FNBP4: variants seen among roughly 807,000 people sequenced by gnomAD.
The protein encoded by FNBP4 is formin binding protein 4, also known as formin-binding protein 4.
A neutral mutation model predicts 119.3 loss-of-function variants in FNBP4; 34 were observed. The ratio of observed to expected loss-of-function variants is 0.28; its 90% CI spans 0.22 to 0.38. The LOEUF (loss-of-function observed/expected upper bound fraction) is 0.38, where lower values mean the gene tolerates loss of function less well. FNBP4 is among the 10% of genes least tolerant of loss of function. FNBP4 has a pLI of 1.00. For synonymous variants in FNBP4, 462 were observed against 430.6 expected (o/e 1.07, Z -0.90); for missense variants, 1,112 against 1,228.9 (o/e 0.90, Z 1.42).
At chr11:47,763,733 G>A (rs11039373) in intron 2 of FNBP4, among the ~76,000 whole-genome samples, 5 of 151,790 alleles carry the variant, frequency 3.3e-5, no homozygotes, top group African/African-American at 1.2e-4. Context: ...ATCTCCTGAC[G>A]TCATTATCCA....
chr11:47,740,554 G>T lies in FNBP4; in HGVS notation c.1456+3399C>A, dbSNP rs1037391131. Among the ~76,000 whole-genome samples the T allele has an allele frequency of 1.8e-4, 27 of 151,408 alleles. 1 individual carries two copies. The highest frequency in any genetic ancestry group is 3.5e-4 in the Non-Finnish European group (24 of 67,926). On this transcript the variant is annotated intron_variant, in intron 8 of 16. Coordinates refer to ENST00000263773, the MANE Select transcript of FNBP4 (RefSeq NM_015308.5). ...TGGTGCCAGTCATTATGTTCCTTTA[G>T]CTTCCTCATGGACAGATCTTTAAGC...
intron 16 of FNBP4, among the ~76,000 whole-genome samples, chr11:47,717,845 T>C (rs2097551385): frequency 6.6e-6 from 1 of 151,926 alleles, no homozygotes; most frequent in Non-Finnish European, 1.5e-5. Context: ...GCCTCCCAGG[T>C]TCAAGCGATT....
intron 12 of FNBP4, among the ~76,000 whole-genome samples, chr11:47,727,251 C>CTTTTTT (rs56258205): frequency 2.2e-5 from 3 of 137,942 alleles, no homozygotes; most frequent in Non-Finnish European, 4.7e-5. Context: ...TACTTTTCTT[C>CTTTTTT]TTTTTTTTTT....
At position 47,717,169 on chromosome 11, in the gene FNBP4, C is replaced by T. The variant is rs1400835233; in HGVS notation, c.*253G>A. On this transcript the variant is annotated 3_prime_UTR_variant, in exon 17 of 17. Coordinates refer to ENST00000263773, the MANE Select transcript of FNBP4 (RefSeq NM_015308.5). ...TTCAAGACTGATGAGGTTAATACAC[C>T]TAACATGCTAAGTTTGCCAGTTTGA... 7.0e-6 allele frequency: 3 copies of T among 427,038 alleles called. No homozygotes were observed. The highest frequency in any genetic ancestry group is 1.3e-5 in the Non-Finnish European group (3 of 237,226). The allele number at this position is 427,038 out of a possible 1,614,324, so 26.5% of individuals were successfully genotyped here.
At position 47,732,043 on chromosome 11, in the gene FNBP4, A is replaced by G. The variant is rs2097568076; in HGVS notation, c.1821-482T>C. On this transcript the variant is annotated intron_variant, in intron 11 of 16. Transcript: ENST00000263773. The surrounding 1 kb of genome is among the most constrained non-coding windows in gnomAD (Gnocchi z 4.2). ...GAGAGGATCTGGGAGCTGAAAAATA[A>G]AAGAGCAAAGATTTCAAATAACGAA... The G allele has an allele frequency of 3.0e-6, 3 of 991,924 alleles. No individual in the cohort carries two copies. Among genetic ancestry groups the G allele is most frequent in the Non-Finnish European group, 2.4e-6 (2 of 834,662 alleles). The allele number at this position is 991,924 out of a possible 1,614,324, so 61.4% of individuals were successfully genotyped here. A position where few individuals can be genotyped will look rare whatever the true frequency, so the allele number is the denominator to read the frequency against.
At chr11:47,740,660 C>T (rs1021582858) in intron 8 of FNBP4, among the ~76,000 whole-genome samples, 7 of 151,340 alleles carry the variant, frequency 4.6e-5, no homozygotes, top group Non-Finnish European at 8.8e-5. Context: ...GTGGCACAAA[C>T]TCGGCTCACT....
chr11:47,765,678 T>C lies in FNBP4; in HGVS notation c.221-316A>G, dbSNP rs577167362. Among the ~76,000 whole-genome samples, 10 of 148,880 alleles carry C rather than the reference T, an allele frequency of 6.7e-5. No individual in the cohort carries two copies. The South Asian group carries it at 1.9e-3, about 28-fold the overall frequency. Reference sequence around the variant, plus strand: ...AAAATAAAAAAATTGCTAGGCATGATGGCACTCGCTTGTAATCCCAACTAC... The same window carrying C: ...AAAATAAAAAAATTGCTAGGCATGACGGCACTCGCTTGTAATCCCAACTAC... On this transcript the variant is annotated intron_variant, in intron 1 of 16. Coordinates refer to ENST00000263773, the MANE Select transcript of FNBP4 (RefSeq NM_015308.5).
At position 47,754,614 on chromosome 11, in the gene FNBP4, C is replaced by T. The variant is rs774112945; in HGVS notation, c.364G>A (p.Asp122Asn). 4 of 1,614,010 alleles carry T rather than the reference C, an allele frequency of 2.5e-6. No individual in the cohort carries two copies. The highest frequency in any genetic ancestry group is 3.4e-6 in the Non-Finnish European group (4 of 1,180,036). ...GATTGTGCTAGTTTTTCGGAAACAT[C>T]ATTGTCATCGTCATCACTGTCAGCA... is the stretch of plus-strand genomic sequence containing the variant. ...AYADSDDDDN[D>N]VSEKLAQSKE... The change falls in exon 3 of 17, where the codon GAT (aspartate) becomes AAT (asparagine). Residue 122 changes from aspartate to asparagine, a missense_variant. Asp to Asn is a conservative substitution (Grantham distance 23). Transcript: ENST00000263773.
chr11:47,736,550 A>C, intron 9 of FNBP4, 66 bp downstream of exon 9: 1 of 1,326,962 alleles, frequency 7.5e-7, no homozygotes, highest in Non-Finnish European at 1.0e-6. Context: ...ACAGAGCAAG[A>C]CTCCGTCTCA....
At chr11:47,761,571 GACAGAACAAGACTCCATCTCA>G (rs1185670394) in intron 2 of FNBP4, among the ~76,000 whole-genome samples, 9 of 148,268 alleles carry the variant, frequency 6.1e-5, no homozygotes, top group Non-Finnish European at 1.3e-4. Flanking sequence ...CAGCCTGGGC[GACAGAACAAGACTCCATCTCA>G]AAGCAAAAAA....
In FNBP4 at chr11:47,724,048, C is replaced by T. The variant is rs1317321279; in HGVS notation, c.2444G>A (p.Ser815Asn). 1.2e-6 allele frequency: 2 copies of T among 1,614,134 alleles called. No homozygotes were observed. Among genetic ancestry groups the T allele is most frequent in the Admixed American group, 3.3e-5 (2 of 60,014 alleles). ...ATIGSSPVLYSQSAIATGHQA... is the reference protein window; with the variant it reads ...ATIGSSPVLYNQSAIATGHQA... ...ATTACCTGTAGCTATAGCTGACTGG[C>T]TATAGAGAACTGGAGAACTGCCAAT... The change falls in exon 14 of 17, where the codon AGC (serine) becomes AAC (asparagine). Residue 815 changes from serine (S) to asparagine (N), a missense_variant. Ser to Asn is a conservative substitution (Grantham distance 46, BLOSUM62 1). Around this residue, in one of 2 missense-constraint regions of FNBP4, gnomAD observed 826 missense variants for 988.8 expected, o/e 0.84. Coordinates refer to ENST00000263773, the MANE Select transcript of FNBP4 (RefSeq NM_015308.5).
intron 10 of FNBP4, among the ~76,000 whole-genome samples, chr11:47,733,011 G>A (rs1168925257): frequency 2.6e-5 from 4 of 152,108 alleles, no homozygotes; most frequent in African/African-American, 9.7e-5. Flanking sequence ...CCAGCTACTC[G>A]AGAGGCTGAG....
In FNBP4 at chr11:47,736,602, A is replaced by G; in HGVS notation, c.1581+14T>C. The G allele has an allele frequency of 1.3e-6, 2 of 1,560,086 alleles. No homozygotes were observed. The highest frequency in any genetic ancestry group is 1.4e-5 in the African/African-American group (1 of 72,374). ...AATAAAAATTTGTCAAGTTGCATTAAGTAATATACATACTTTCAAATCCTG... is the reference window on the plus strand; with the variant it reads ...AATAAAAATTTGTCAAGTTGCATTAGGTAATATACATACTTTCAAATCCTG... On this transcript the variant is annotated intron_variant, in intron 9 of 16. Transcript: ENST00000263773.
intron 11 of FNBP4, 132 bp from the exon 12 acceptor site, chr11:47,731,693 G>A: frequency 7.1e-7 from 1 of 1,416,200 alleles, no homozygotes. Context: ...ATTCACAAAG[G>A]CAACAAAGAG....
At chr11:47,758,929 T>TC (rs1256305576) in intron 2 of FNBP4, among the ~76,000 whole-genome samples, 2 of 150,742 alleles carry the variant, frequency 1.3e-5, no homozygotes, top group African/African-American at 4.9e-5. Context: ...AATTTTTTTT[T>TC]TTTTTTTGAG....
chr11:47,738,881 T>TTTTTTTTTTTTTTTTA, intron 8 of FNBP4, among the ~76,000 whole-genome samples: 1 of 138,644 alleles, frequency 7.2e-6, no homozygotes, highest in Non-Finnish European at 1.6e-5. Context: ...TTTTTTTTTT[T>TTTTTTTTTTTTTTTTA]TTTAGTAGAG....
intron 12 of FNBP4, 119 bp downstream of exon 12, chr11:47,731,255 C>T: frequency 1.0e-6 from 1 of 976,822 alleles, no homozygotes; most frequent in Non-Finnish European, 1.5e-6. Context: ...TAGTTCACAC[C>T]ACTATTCTCA....
intron 9 of FNBP4, among the ~76,000 whole-genome samples, chr11:47,735,941 G>T (rs188398874): frequency 6.6e-6 from 1 of 152,164 alleles, no homozygotes; most frequent in African/African-American, 2.4e-5. Context: ...AGCCAGGCGT[G>T]GTGGCGGGCA....
At chr11:47,737,728 C>T (rs933586267) in intron 8 of FNBP4, among the ~76,000 whole-genome samples, 3 of 151,048 alleles carry the variant, frequency 2.0e-5, no homozygotes, top group Admixed American at 2.0e-4. Context: ...GTGTAAGCCA[C>T]TGCACCCAGG....
Sources: allele counts gnomAD v4.1 joint callset (sites outside exome capture counted in the v4.1 genomes callset), GRCh38; gene constraint gnomAD v4.1.1; regional missense constraint gnomAD v4.1.1; non-coding constraint Gnocchi (gnomAD v3.1); transcripts MANE v1.5; gene names NCBI Gene and HGNC (gene_info 2026-07-23, HGNC 2026-07-21).